TEK: variants seen among roughly 807,000 people sequenced by gnomAD.
The protein encoded by TEK is angiopoietin-1 receptor.
In TEK, 43 loss-of-function variants were observed where a neutral mutation model predicts 131.8. The ratio of observed to expected loss-of-function variants is 0.33; its 90% CI spans 0.26 to 0.42. The LOEUF (loss-of-function observed/expected upper bound fraction) is 0.42, where lower values mean the gene tolerates loss of function less well. Ranked by LOEUF, TEK falls within the 10% of genes least tolerant of loss-of-function variation. The pLI, the probability that TEK is intolerant of heterozygous loss-of-function variation, is 1.00. For synonymous variants in TEK, 580 were observed against 491.6 expected (o/e 1.18, Z -2.38); for missense variants, 1,162 against 1,384.4 (o/e 0.84, Z 2.55).
intron 5 of TEK, 119 bp downstream of exon 5, chr9:27,172,866 T>C (rs1272239476): frequency 5.9e-6 from 8 of 1,362,470 alleles, no homozygotes; most frequent in South Asian, 2.5e-5. Flanking sequence ...TTAGGTCAGA[T>C]GGTACCTGTG....
intron 1 of TEK, among the ~76,000 whole-genome samples, chr9:27,137,563 A>G (rs1473505789): frequency 6.6e-6 from 1 of 152,126 alleles, no homozygotes; most frequent in African/African-American, 2.4e-5. Flanking sequence ...TAGGCTTTTT[A>G]CTTTTTGAGT....
At chr9:27,153,713 T>C (rs565832021) in intron 1 of TEK, among the ~76,000 whole-genome samples, 20 of 152,236 alleles carry the variant, frequency 1.3e-4, no homozygotes, top group Non-Finnish European at 2.8e-4. Flanking sequence ...GAGAGATTGA[T>C]ATTGGTATGA....
chr9:27,217,931 G>A (rs1049155025), intron 19 of TEK, among the ~76,000 whole-genome samples, 173 bp downstream of exon 19: 7 of 152,150 alleles, frequency 4.6e-5, no homozygotes, highest in Non-Finnish European at 7.3e-5. Flanking sequence ...AGTTTCCAGA[G>A]GAGTGCAGAA....
At chr9:27,209,327 G>A (rs1200839161) in intron 16 of TEK, 96 bp downstream of exon 16, 8 of 945,626 alleles carry the variant, frequency 8.5e-6, no homozygotes, top group Non-Finnish European at 1.3e-5. Flanking sequence ...TAAGAATGTT[G>A]CCTATTTTTT....
At chr9:27,187,976 A>G (rs1006387648) in intron 9 of TEK, among the ~76,000 whole-genome samples, 3 of 152,182 alleles carry the variant, frequency 2.0e-5, no homozygotes, top group Non-Finnish European at 4.4e-5. Flanking sequence ...TAAGACTTTA[A>G]TGTGTGATTT....
intron 1 of TEK, among the ~76,000 whole-genome samples, chr9:27,149,671 T>C (rs4878149): frequency 0.18 from 27,214 of 152,166 alleles, 3,160 homozygotes; most frequent in Non-Finnish European, 0.25. Flanking sequence ...GTCAGTCAAA[T>C]TGCCTTCTCT....
chr9:27,202,768 C>G, intron 12 of TEK, 52 bp from the exon 13 acceptor site: 1 of 1,567,978 alleles, frequency 6.4e-7, no homozygotes, highest in Non-Finnish European at 8.8e-7. Context: ...GCATAATGAT[C>G]TAGGCCATGG....
chr9:27,218,962 A>T lies in TEK; in HGVS notation c.3103+145A>T, dbSNP rs12337434. ...CTTGGAAATAGAAACATAGTGTATT[A>T]ATTCCCATATTTTTCTTTTTAAAAG... On this transcript the variant is annotated intron_variant, in intron 20 of 22. Transcript: ENST00000380036. The T allele has an allele frequency of 0.25, 210,528 of 832,282 alleles. 28,876 individuals carry two copies. Among genetic ancestry groups the T allele is most frequent in the African/African-American group, 0.45 (26,562 of 59,154 alleles). 51.6% of individuals were successfully genotyped at this position (832,282 alleles called of 1,614,324 possible).
chr9:27,115,690 T>C (rs575444726), intron 1 of TEK, among the ~76,000 whole-genome samples: 1 of 152,316 alleles, frequency 6.6e-6, no homozygotes, highest in Admixed American at 6.5e-5. Context: ...GTTATAGTTA[T>C]AACTTGCTCA....
At chr9:27,119,011 G>A (rs970754981) in intron 1 of TEK, among the ~76,000 whole-genome samples, 3 of 152,214 alleles carry the variant, frequency 2.0e-5, no homozygotes, top group Non-Finnish European at 2.9e-5. Flanking sequence ...CATTTGAGAC[G>A]TGGGTCCAAG....
At chr9:27,142,745 A>G (rs1483425987) in intron 1 of TEK, among the ~76,000 whole-genome samples, 2 of 152,246 alleles carry the variant, frequency 1.3e-5, no homozygotes, top group Admixed American at 6.5e-5. Flanking sequence ...TATGAATTCT[A>G]TCACTGTTCC....
At chr9:27,137,799 G>T (rs772936349) in intron 1 of TEK, among the ~76,000 whole-genome samples, 14 of 152,030 alleles carry the variant, frequency 9.2e-5, no homozygotes, top group Non-Finnish European at 1.9e-4. Flanking sequence ...CTTTAGTTAG[G>T]TTTATTTTTT....
At chr9:27,188,714 T>C (rs1824692721) in intron 9 of TEK, among the ~76,000 whole-genome samples, 1 of 152,122 alleles carries the variant, frequency 6.6e-6, no homozygotes, top group Admixed American at 6.5e-5. Flanking sequence ...TCAATAGAAT[T>C]TACTTTAGGC....
intron 18 of TEK, among the ~76,000 whole-genome samples, chr9:27,216,884 A>C (rs908465683): frequency 6.6e-6 from 1 of 152,138 alleles, no homozygotes; most frequent in Non-Finnish European, 1.5e-5. Context: ...GGAGGGAGGG[A>C]TCAACCTCTC....
chr9:27,229,613 C>G lies in TEK; in HGVS notation c.*381C>G, dbSNP rs10967789. On this transcript the variant is annotated 3_prime_UTR_variant, in exon 23 of 23. Coordinates refer to ENST00000380036, the MANE Select transcript of TEK (RefSeq NM_000459.5). ...AATGCTATTAAATGTTTTCCTGTGT[C>G]AAAGTAAAATATTGTTAATAAACCT... The G allele has an allele frequency of 0.026, 6,663 of 254,338 alleles. 200 individuals are homozygous for G. The highest frequency in any genetic ancestry group is 0.099 in the East Asian group (1,132 of 11,434). 15.8% of individuals were successfully genotyped at this position (254,338 alleles called of 1,614,324 possible). A position where few individuals can be genotyped will look rare whatever the true frequency, so the allele number is the denominator to read the frequency against.
intron 2 of TEK, among the ~76,000 whole-genome samples, chr9:27,164,658 C>T (rs985416415): frequency 6.6e-6 from 1 of 152,054 alleles, no homozygotes; most frequent in Non-Finnish European, 1.5e-5. Context: ...TCCTCCTGAA[C>T]AGCTGGGACT....
At chr9:27,219,808 A>G (rs1825988405) in intron 20 of TEK, among the ~76,000 whole-genome samples, 1 of 85,540 alleles carries the variant, frequency 1.2e-5, no homozygotes, top group South Asian at 4.5e-4. Context: ...GAGACTTAGA[A>G]CAGGCACTAA....
intron 9 of TEK, among the ~76,000 whole-genome samples, chr9:27,189,594 T>C (rs1824730163): frequency 6.6e-6 from 1 of 152,160 alleles, no homozygotes. Context: ...AGAGAAACTT[T>C]CCTGACAATA....
At chr9:27,203,304 T>G (rs1825287798) in intron 13 of TEK, among the ~76,000 whole-genome samples, 185 bp downstream of exon 13, 1 of 152,206 alleles carries the variant, frequency 6.6e-6, no homozygotes, top group African/African-American at 2.4e-5. Context: ...CGTTTTCTAT[T>G]ATTGAACCTT....
Sources: gnomAD v4.1 joint callset for allele counts (sites outside exome capture counted in the v4.1 genomes callset) on GRCh38, gnomAD v4.1.1 for gene constraint, MANE v1.5 for transcripts, NCBI Gene and HGNC (gene_info 2026-07-23, HGNC 2026-07-21) for gene names.